The following CYTH3 variants were observed in gnomAD, a reference collection of about 807,000 sequenced individuals.
CYTH3 encodes the protein cytohesin 3.
Under a neutral mutation model 55.1 loss-of-function variants are expected in CYTH3, and 23 were observed. The ratio of observed to expected loss-of-function variants is 0.42; its 90% CI spans 0.30 to 0.59. The LOEUF (loss-of-function observed/expected upper bound fraction) is 0.59. Ranked by LOEUF, CYTH3 falls within the 20% of genes least tolerant of loss-of-function variation. The pLI is 0.20. For synonymous variants in CYTH3, 249 were observed against 194.9 expected (o/e 1.28, Z -2.31); for missense variants, 413 against 524.8 (o/e 0.79, Z 2.08).
chr7:6,253,588 C>A (rs992844206), intron 1 of CYTH3, among the ~76,000 whole-genome samples: 1 of 151,858 alleles, frequency 6.6e-6, no homozygotes, highest in Non-Finnish European at 1.5e-5. Flanking sequence ...GAGGCCAAGG[C>A]GGGCAGATCA....
intron 1 of CYTH3, among the ~76,000 whole-genome samples, chr7:6,203,448 T>C (rs1438318664): frequency 6.6e-6 from 1 of 152,202 alleles, no homozygotes; most frequent in African/African-American, 2.4e-5. Context: ...TGAAGGATTA[T>C]GAGTCTAGTC....
rs1562418178 is a variant in CYTH3 at position 6,259,820 on chromosome 7, ATATATATATATATTTTT to A, written c.34+12637_34+12653del. ...ATATATATATATATATATAATATATATATATATATATATTTTTTTTTTTTTTTAAGACGGATTTTCGC... is the reference window on the plus strand; with the variant it reads ...ATATATATATATATATATAATATATATTTTTTTTTTAAGACGGATTTTCGC... On this transcript the variant is annotated intron_variant, in intron 1 of 12. Coordinates refer to ENST00000350796, the MANE Select transcript of CYTH3 (RefSeq NM_004227.4). Among the ~76,000 whole-genome samples, 18 of 26,040 alleles carry A rather than the reference ATATATATATATATTTTT, an allele frequency of 6.9e-4. 4 individuals are homozygous for A. The highest frequency in any genetic ancestry group is 6.8e-3 in the African/African-American group (17 of 2,484). 17.1% of individuals were successfully genotyped at this position (26,040 alleles called of 152,430 possible).
chr7:6,178,313 C>T (rs895805726), intron 4 of CYTH3, among the ~76,000 whole-genome samples: 3 of 152,224 alleles, frequency 2.0e-5, no homozygotes, highest in Admixed American at 2.0e-4. Context: ...GTGGCCACTG[C>T]CGGTTGGCCA....
intron 1 of CYTH3, among the ~76,000 whole-genome samples, chr7:6,210,126 A>G (rs1784291867): frequency 6.6e-6 from 1 of 152,228 alleles, no homozygotes; most frequent in East Asian, 1.9e-4. Flanking sequence ...CAAGGTATCA[A>G]TATTGGTTTA....
rs1039341073 is a variant in CYTH3 at position 6,164,665 on chromosome 7, C to T, written c.*279G>A. On this transcript the variant is annotated 3_prime_UTR_variant, in exon 13 of 13. Transcript: ENST00000350796. ...CAGGAAGGAAATGCTTCTGGACATG[C>T]GCAGCCGACCATGACCCCAGCCACG... 5.6e-5 allele frequency: 28 copies of T among 495,630 alleles called. No homozygotes were observed. The highest frequency in any genetic ancestry group is 1.1e-4 in the East Asian group (3 of 27,342). 30.7% of individuals were successfully genotyped at this position (495,630 alleles called of 1,614,324 possible). A position where few individuals can be genotyped will look rare whatever the true frequency, so the allele number is the denominator to read the frequency against.
chr7:6,195,666 C>T (rs925011554), intron 1 of CYTH3, among the ~76,000 whole-genome samples: 1 of 151,982 alleles, frequency 6.6e-6, no homozygotes, highest in African/African-American at 2.4e-5. Context: ...TCCTCTATGT[C>T]AAGCAATGAA....
intron 1 of CYTH3, among the ~76,000 whole-genome samples, chr7:6,223,226 C>T (rs10241580): frequency 0.11 from 15,983 of 151,820 alleles, 2,276 homozygotes; most frequent in African/African-American, 0.32. Context: ...TCGGCCCGGC[C>T]GCCCCATCTG....
intron 1 of CYTH3, among the ~76,000 whole-genome samples, chr7:6,267,330 T>C (rs866491753): frequency 2.6e-5 from 4 of 152,186 alleles, no homozygotes; most frequent in African/African-American, 9.7e-5. Flanking sequence ...GTGCCATGCA[T>C]AGAACCTGGT....
chr7:6,199,259 G>A (rs898546445), intron 1 of CYTH3, among the ~76,000 whole-genome samples: 2 of 152,174 alleles, frequency 1.3e-5, no homozygotes, highest in African/African-American at 4.8e-5. Context: ...TTTAGGTTCA[G>A]GTTTGTAGGA....
chr7:6,256,348 A>T (rs966106212), intron 1 of CYTH3, among the ~76,000 whole-genome samples: 2 of 152,156 alleles, frequency 1.3e-5, no homozygotes, highest in African/African-American at 4.8e-5. Flanking sequence ...CCTGCACCAA[A>T]CCTCAAGGGG....
At chr7:6,218,341 A>C (rs116582720) in intron 1 of CYTH3, among the ~76,000 whole-genome samples, 4,213 of 152,242 alleles carry the variant, frequency 0.028, 209 homozygotes, top group African/African-American at 0.096. Flanking sequence ...GGGTTTGAAG[A>C]TGGAGAGAGG....
At chr7:6,239,064 A>G (rs561891398) in intron 1 of CYTH3, among the ~76,000 whole-genome samples, 100 of 152,238 alleles carry the variant, frequency 6.6e-4, no homozygotes, top group African/African-American at 2.4e-3. Context: ...AAATACAAAA[A>G]TTAGCCAAGC....
chr7:6,189,006 G>A (rs954069948), intron 2 of CYTH3: 5 of 152,222 alleles, frequency 3.3e-5, no homozygotes, highest in African/African-American at 1.2e-4. Flanking sequence ...AGGAGCTATT[G>A]TCTGGGACAA....
At chr7:6,195,663 T>A (rs945517159) in intron 1 of CYTH3, among the ~76,000 whole-genome samples, 1 of 152,016 alleles carries the variant, frequency 6.6e-6, no homozygotes, top group Non-Finnish European at 1.5e-5. Flanking sequence ...CAATCCTCTA[T>A]GTCAAGCAAT....
At chr7:6,268,570 G>C (rs1780569946) in intron 1 of CYTH3, among the ~76,000 whole-genome samples, 1 of 152,104 alleles carries the variant, frequency 6.6e-6, no homozygotes, top group Non-Finnish European at 1.5e-5. Context: ...TAACCATCTG[G>C]GCATGGATTT....
intron 4 of CYTH3, among the ~76,000 whole-genome samples, chr7:6,185,996 G>C (rs919168743): frequency 2.6e-5 from 4 of 151,958 alleles, no homozygotes; most frequent in African/African-American, 9.7e-5. Context: ...CATAATCCCA[G>C]CACTTTGGGA....
rs1022365484 is a variant in CYTH3 at position 6,170,729 on chromosome 7, G to A, written c.712-83C>T. The A allele has an allele frequency of 1.0e-5, 16 of 1,566,782 alleles. No individual in the cohort carries two copies. Among genetic ancestry groups the A allele is most frequent in the African/African-American group, 2.7e-5 (2 of 73,874 alleles). Reference sequence around the variant, plus strand: ...GCAGAAAGCTCAGCGGGACCAGGGCGGCAAGGAGGCTTGGGAGGCGTGTCT... The same window carrying A: ...GCAGAAAGCTCAGCGGGACCAGGGCAGCAAGGAGGCTTGGGAGGCGTGTCT... On this transcript the variant is annotated intron_variant, in intron 8 of 12. Transcript: ENST00000350796. The surrounding 1 kb of genome is among the most constrained non-coding windows in gnomAD (Gnocchi z 7.8).
At chr7:6,238,199 T>A (rs1429398723) in intron 1 of CYTH3, among the ~76,000 whole-genome samples, 1 of 152,218 alleles carries the variant, frequency 6.6e-6, no homozygotes, top group East Asian at 1.9e-4. Flanking sequence ...AGATGTGAGC[T>A]TTTGCATTGC....
intron 1 of CYTH3, among the ~76,000 whole-genome samples, chr7:6,243,711 A>G (rs1015353827): frequency 7.2e-5 from 11 of 152,224 alleles, no homozygotes; most frequent in African/African-American, 1.9e-4. Context: ...TTCCGGCCCT[A>G]TATCAACTTA....
Sources: allele counts gnomAD v4.1 joint callset (sites outside exome capture counted in the v4.1 genomes callset), GRCh38; gene constraint gnomAD v4.1.1; non-coding constraint Gnocchi (gnomAD v3.1); transcripts MANE v1.5; gene names NCBI Gene and HGNC (gene_info 2026-07-23, HGNC 2026-07-21).